The following KDM2A variants were observed in gnomAD, a reference collection of about 807,000 sequenced individuals.
KDM2A encodes lysine demethylase 2A, also known as lysine-specific demethylase 2A.
KDM2A carries 3 observed loss-of-function variants against 137.3 expected under a neutral mutation model. The observed-to-expected ratio is 0.02, with a 90% confidence interval of 0.01 to 0.06. The LOEUF (loss-of-function observed/expected upper bound fraction) is 0.06. Ranked by LOEUF, KDM2A falls within the 10% of genes least tolerant of loss-of-function variation. The pLI is 1.00. For missense variants in KDM2A, 738 were observed against 1,510.6 expected, an observed-to-expected ratio of 0.49 and a Z score of 8.48; for synonymous variants, 512 against 541.5, an observed-to-expected ratio of 0.95 and a Z score of 0.76.
chr11:67,121,425 G>A, intron 2 of KDM2A, 67 bp downstream of exon 2: 1 of 1,462,398 alleles, frequency 6.8e-7, no homozygotes, highest in South Asian at 1.1e-5. Context: ...GTTTCCAGTT[G>A]TGAATATACT....
chr11:67,147,216 G>A (rs891960807), intron 2 of KDM2A, among the ~76,000 whole-genome samples: 4 of 152,038 alleles, frequency 2.6e-5, no homozygotes, highest in African/African-American at 7.2e-5. Context: ...CAGATCTTTT[G>A]TGCCACTCTG....
chr11:67,167,002 T>C (rs1335551785), intron 2 of KDM2A, among the ~76,000 whole-genome samples: 1 of 152,100 alleles, frequency 6.6e-6, no homozygotes, highest in Non-Finnish European at 1.5e-5. Flanking sequence ...CACTTGAACC[T>C]GGGAGACGGA....
intron 2 of KDM2A, among the ~76,000 whole-genome samples, chr11:67,133,180 A>G (rs1321419057): frequency 1.3e-5 from 2 of 151,992 alleles, no homozygotes; most frequent in Non-Finnish European, 2.9e-5. Flanking sequence ...GCTCAGTGCA[A>G]TCTCCGCCTT....
Position 67,231,918 on chromosome 11 carries a change from C to T in KDM2A, c.1437C>T (p.Pro479=), listed in dbSNP as rs1312338562. Residue 479 remains proline, a synonymous_variant, in exon 12 of 21, where the codon CCC becomes CCT. Coordinates refer to ENST00000529006, the MANE Select transcript of KDM2A (RefSeq NM_012308.3). The part of the protein sequence containing the change: ...ESLPLHKKCV[P]TGIEDEDALI... ...TGCCACTGCACAAGAAATGTGTCCC[C>T]ACAGGGATAGAAGATGAAGATGCTC... 5.0e-6 allele frequency: 8 copies of T among 1,613,772 alleles called. No individual in the cohort carries two copies. Among genetic ancestry groups the T allele is most frequent in the Admixed American group, 3.3e-5 (2 of 59,994 alleles).
chr11:67,131,319 C>T (rs866343321), intron 2 of KDM2A, among the ~76,000 whole-genome samples: 5 of 151,544 alleles, frequency 3.3e-5, no homozygotes, highest in South Asian at 2.1e-4. Flanking sequence ...AGCGAAACTC[C>T]GTCTCAAAAA....
intron 15 of KDM2A, among the ~76,000 whole-genome samples, chr11:67,247,071 ATTTTTTTTTTTTTTTT>A (rs1156333048): frequency 5.4e-4 from 9 of 16,784 alleles, no homozygotes; most frequent in Non-Finnish European, 7.5e-4. Flanking sequence ...ATATATATAT[ATTTTTTTTTTTTTTTT>A]TTTTTTTTTT....
intron 2 of KDM2A, among the ~76,000 whole-genome samples, chr11:67,163,300 G>A (rs916125355): frequency 1.3e-5 from 2 of 152,074 alleles, no homozygotes; most frequent in African/African-American, 2.4e-5. Context: ...ATATTAAATC[G>A]GTGGCAGGAT....
intron 2 of KDM2A, among the ~76,000 whole-genome samples, chr11:67,177,785 T>C (rs1857002192): frequency 6.6e-6 from 1 of 152,172 alleles, no homozygotes; most frequent in African/African-American, 2.4e-5. Context: ...TACACAGTCA[T>C]TTATTATGTA....
At chr11:67,238,824 A>G (rs1292562622) in intron 12 of KDM2A, among the ~76,000 whole-genome samples, 1 of 152,216 alleles carries the variant, frequency 6.6e-6, no homozygotes, top group Non-Finnish European at 1.5e-5. Flanking sequence ...TCTAAAAAAG[A>G]CCCAAACTGT....
At chr11:67,247,043 A>T (rs1378267480) in intron 15 of KDM2A, among the ~76,000 whole-genome samples, 2 of 15,962 alleles carry the variant, frequency 1.3e-4, no homozygotes, top group Admixed American at 1.2e-3. Flanking sequence ...TATTTTATAT[A>T]TATATATATA....
intron 2 of KDM2A, among the ~76,000 whole-genome samples, chr11:67,139,211 G>GCCAGC (rs1227492267): frequency 6.6e-6 from 1 of 151,632 alleles, no homozygotes; most frequent in African/African-American, 2.4e-5. Flanking sequence ...CTGCAGCCCT[G>GCCAGC]CCAGCCAAAG....
chr11:67,247,038 TATATA>T (rs1859244005), intron 15 of KDM2A, among the ~76,000 whole-genome samples: 1 of 17,164 alleles, frequency 5.8e-5, no homozygotes, highest in African/African-American at 1.8e-4. Context: ...TAAATTATTT[TATATA>T]TATATATATA....
chr11:67,128,154 C>T (rs932325787), intron 2 of KDM2A, among the ~76,000 whole-genome samples: 4 of 151,770 alleles, frequency 2.6e-5, no homozygotes, highest in African/African-American at 9.7e-5. Flanking sequence ...AGATACATGC[C>T]ACCACACCTG....
At chr11:67,125,520 C>T (rs1196755643) in intron 2 of KDM2A, among the ~76,000 whole-genome samples, 1 of 151,862 alleles carries the variant, frequency 6.6e-6, no homozygotes, top group Non-Finnish European at 1.5e-5. Flanking sequence ...ACCTGAAATC[C>T]CATCACTTTG....
chr11:67,140,717 C>A (rs903476488), intron 2 of KDM2A, among the ~76,000 whole-genome samples: 3 of 151,984 alleles, frequency 2.0e-5, no homozygotes, highest in Non-Finnish European at 4.4e-5. Flanking sequence ...TGTGCCATTG[C>A]ACTCCAGCCT....
At chr11:67,152,135 T>C (rs1856405454) in intron 2 of KDM2A, among the ~76,000 whole-genome samples, 1 of 151,348 alleles carries the variant, frequency 6.6e-6, no homozygotes, top group Non-Finnish European at 1.5e-5. Flanking sequence ...GTCAACATAG[T>C]GAAACCCTGT....
chr11:67,248,365 G>T lies in KDM2A; in HGVS notation c.2050G>T (p.Ala684Ser), dbSNP rs1177096539. ...KCYQEDSSEK[A>S]QKRKMEESDE... ...CTACCAGGAGGACAGCTCGGAGAAAGCCCAGGTAAAGGAACCTTATCAGAT... is the reference window on the plus strand; with the variant it reads ...CTACCAGGAGGACAGCTCGGAGAAATCCCAGGTAAAGGAACCTTATCAGAT... Residue 684 changes from alanine (A) to serine (S), a missense_variant, in exon 16 of 21, where the codon GCC becomes TCC. Ala to Ser is a moderately conservative substitution (Grantham distance 99). Transcript: ENST00000529006. 2.5e-6 allele frequency: 4 copies of T among 1,598,854 alleles called. No individual in the cohort carries two copies. In the South Asian group the frequency reaches 4.5e-5, roughly 18 times the overall value.
chr11:67,162,641 AGTGATCCGCC>A (rs1183951712), intron 2 of KDM2A, among the ~76,000 whole-genome samples: 3 of 151,970 alleles, frequency 2.0e-5, no homozygotes, highest in Admixed American at 2.0e-4. Context: ...CCTGACCTCA[AGTGATCCGCC>A]CGCCTCGGCC....
intron 12 of KDM2A, chr11:67,240,221 G>T (rs1858987710): frequency 6.5e-7 from 1 of 1,535,308 alleles, no homozygotes; most frequent in Non-Finnish European, 8.7e-7. Context: ...TGCTCTGGGA[G>T]ATTCCAGAAT....
Sources: allele counts gnomAD v4.1 joint callset (sites outside exome capture counted in the v4.1 genomes callset), GRCh38; gene constraint gnomAD v4.1.1; transcripts MANE v1.5; gene names NCBI Gene and HGNC (gene_info 2026-07-23, HGNC 2026-07-21).